WBP1L: variants seen among roughly 807,000 people sequenced by gnomAD.
WBP1L encodes the protein WW domain binding protein 1 like.
Under a neutral mutation model 33.7 loss-of-function variants are expected in WBP1L, and 17 were observed. The ratio of observed to expected loss-of-function variants is 0.50; its 90% CI spans 0.34 to 0.76. The LOEUF (loss-of-function observed/expected upper bound fraction) is 0.76, where lower values mean the gene tolerates loss of function less well. Among genes scored for constraint, WBP1L ranks in the 30% least tolerant of loss-of-function variants. The pLI, the probability that WBP1L is intolerant of heterozygous loss-of-function variation, is 0.01. For synonymous variants in WBP1L, 173 were observed against 190.8 expected (o/e 0.91, Z 0.77); for missense variants, 389 against 469.4 (o/e 0.83, Z 1.58).
At chr10:102,770,301 G>A (rs897765894) in intron 1 of WBP1L, among the ~76,000 whole-genome samples, 8 of 151,546 alleles carry the variant, frequency 5.3e-5, no homozygotes, top group African/African-American at 1.7e-4. Context: ...TGCCCAAACC[G>A]GAGAAAGATA....
chr10:102,764,967 C>T (rs773653204), intron 1 of WBP1L, among the ~76,000 whole-genome samples: 6 of 152,116 alleles, frequency 3.9e-5, no homozygotes, highest in Non-Finnish European at 8.8e-5. Flanking sequence ...AATCCAAAAA[C>T]GATTGCTAGG....
intron 1 of WBP1L, among the ~76,000 whole-genome samples, chr10:102,779,016 G>A (rs1843301914): frequency 6.6e-6 from 1 of 152,040 alleles, no homozygotes; most frequent in Non-Finnish European, 1.5e-5. Context: ...TTTTGTTGCT[G>A]TTTTTTAACT....
chr10:102,791,012 T>C (rs1843489487), intron 1 of WBP1L, among the ~76,000 whole-genome samples: 1 of 152,214 alleles, frequency 6.6e-6, no homozygotes, highest in African/African-American at 2.4e-5. Context: ...TTAGAGGAGA[T>C]ACTGTTTTCC....
chr10:102,798,184 G>T, intron 2 of WBP1L, 89 bp downstream of exon 2: 1 of 1,114,164 alleles, frequency 9.0e-7, no homozygotes, highest in South Asian at 1.3e-5. Flanking sequence ...AGCCCTTTTC[G>T]GATTCTCTTG....
rs968261250 is a variant in WBP1L, at chr10:102,813,527, A to G, written c.*196A>G. The G allele has an allele frequency of 2.3e-5, 16 of 709,748 alleles. No individual in the cohort carries two copies. Among genetic ancestry groups the G allele is most frequent in the Middle Eastern group, 4.0e-4 (1 of 2,498 alleles). 44.0% of individuals were successfully genotyped at this position (709,748 alleles called of 1,614,324 possible). On this transcript the variant is annotated 3_prime_UTR_variant, in exon 4 of 4. Transcript: ENST00000448841. ...GGGTGTGGATGCCTCTTCCTCCACA[A>G]GGGCACAGTGTTGTGGAGGGCTAAG... is the stretch of plus-strand genomic sequence containing the variant.
intron 2 of WBP1L, among the ~76,000 whole-genome samples, chr10:102,803,697 C>T (rs1843690823): frequency 6.6e-6 from 1 of 151,646 alleles, no homozygotes; most frequent in African/African-American, 2.4e-5. Context: ...CAAGCTCCGC[C>T]TCCCAGGTTC....
At chr10:102,786,755 A>G (rs902095666) in intron 1 of WBP1L, among the ~76,000 whole-genome samples, 2 of 152,116 alleles carry the variant, frequency 1.3e-5, no homozygotes, top group African/African-American at 4.8e-5. Flanking sequence ...GTGGACCTCT[A>G]TTGTCCCCAC....
intron 1 of WBP1L, among the ~76,000 whole-genome samples, chr10:102,766,025 T>A (rs983886367): frequency 5.9e-5 from 9 of 152,214 alleles, no homozygotes; most frequent in African/African-American, 1.7e-4. Context: ...ACCTGGAAGC[T>A]TAATTTTCCT....
At chr10:102,776,483 C>G (rs1374825283) in intron 1 of WBP1L, 1 of 1,602,736 alleles carries the variant, frequency 6.2e-7, no homozygotes, top group Non-Finnish European at 8.5e-7. Context: ...TATTGTACTA[C>G]TGCTTTGGGT....
At chr10:102,809,814 G>T (rs1590194617) in intron 2 of WBP1L, 79 bp from the exon 3 acceptor site, 3 of 1,506,820 alleles carry the variant, frequency 2.0e-6, no homozygotes, top group East Asian at 4.6e-5. Context: ...CACCGTCCAG[G>T]GACCTCCCTG....
At chr10:102,794,737 ACT>A (rs557700557) in intron 1 of WBP1L, among the ~76,000 whole-genome samples, 290 of 152,092 alleles carry the variant, frequency 1.9e-3, no homozygotes, top group African/African-American at 6.2e-3. Context: ...CAACAGTTAG[ACT>A]CTGAGTGAAA....
At chr10:102,788,440 G>A (rs1229736058) in intron 1 of WBP1L, among the ~76,000 whole-genome samples, 1 of 151,864 alleles carries the variant, frequency 6.6e-6, no homozygotes, top group Non-Finnish European at 1.5e-5. Flanking sequence ...AAAAATATAG[G>A]TAAAAATATA....
In WBP1L at chr10:102,782,816, A is replaced by G. The variant is rs543474645; in HGVS notation, c.91-15177A>G. On this transcript the variant is annotated intron_variant, in intron 1 of 3. Coordinates refer to ENST00000448841, the MANE Select transcript of WBP1L (RefSeq NM_001083913.2). ...TTTGGGAATGGCTGGAGTGTGACATACTGACTTCTTTTCCTGAAAGTGGCT... is the reference window on the plus strand; with the variant it reads ...TTTGGGAATGGCTGGAGTGTGACATGCTGACTTCTTTTCCTGAAAGTGGCT... Among the ~76,000 whole-genome samples the G allele has an allele frequency of 2.1e-3, 315 of 152,290 alleles. 3 individuals are homozygous for G. The highest frequency in any genetic ancestry group is 1.7e-3 in the Non-Finnish European group (113 of 68,014).
intron 1 of WBP1L, among the ~76,000 whole-genome samples, chr10:102,788,135 CTT>C (rs1232492409): frequency 7.5e-5 from 10 of 133,224 alleles, no homozygotes; most frequent in Admixed American, 8.0e-5. Context: ...TTCTTTCTTT[CTT>C]TTTTTTTTTT....
At position 102,743,991 on chromosome 10, in the gene WBP1L, A is replaced by G; in HGVS notation, c.-63A>G. On this transcript the variant is annotated 5_prime_UTR_variant, in exon 1 of 4. Coordinates refer to ENST00000448841, the MANE Select transcript of WBP1L (RefSeq NM_001083913.2). The stretch of plus-strand genomic sequence containing the variant: ...GGAAGAAGGAAGAAGAGGGTAGAGG[A>G]GGAGAGGGAGGAGGAGGAGGGAGGT... The G allele has an allele frequency of 8.4e-7, 1 of 1,186,466 alleles. No individual in the cohort carries two copies. Among genetic ancestry groups the G allele is most frequent in the East Asian group, 2.6e-5 (1 of 38,482 alleles). The allele number at this position is 1,186,466 out of a possible 1,614,324, so 73.5% of individuals were successfully genotyped here.
chr10:102,795,895 G>T (rs1186155510), intron 1 of WBP1L, among the ~76,000 whole-genome samples: 11 of 152,174 alleles, frequency 7.2e-5, no homozygotes, highest in Admixed American at 7.2e-4. Context: ...TTTTCCACAC[G>T]CACCAGGCTT....
At chr10:102,772,976 C>T (rs942864367) in intron 1 of WBP1L, among the ~76,000 whole-genome samples, 14 of 146,646 alleles carry the variant, frequency 9.5e-5, no homozygotes, top group Non-Finnish European at 2.1e-4. Context: ...TTTAATTCTG[C>T]ATTGGCAGGC....
rs1843793560 is a variant in WBP1L, at chr10:102,809,418, C to G, written c.194-475C>G. On this transcript the variant is annotated intron_variant, in intron 2 of 3. Transcript: ENST00000448841. ...ACAGAGTCTTGCTCTGTCGCCCAGG[C>G]TGGAGTGCAGTGGCGCAATCTTGGC... Among the ~76,000 whole-genome samples the G allele has an allele frequency of 1.3e-5, 2 of 152,054 alleles. 1 individual carries two copies. Among genetic ancestry groups the G allele is most frequent in the South Asian group, 4.2e-4 (2 of 4,818 alleles).
rs781701076 is a variant in WBP1L at position 102,813,102 on chromosome 10, A to G, written c.863A>G (p.Lys288Arg). 2.5e-6 allele frequency: 4 copies of G among 1,613,846 alleles called. No homozygotes were observed. The South Asian group carries it at 4.4e-5, about 18-fold the overall frequency. ...CNRGHHDDDL[K>R]EFNTLIDDAL... is the part of the protein sequence containing the mutation. ...CGGGGCCACCATGACGATGACCTCA[A>G]AGAGTTCAACACACTCATCGATGAT... The change falls in exon 4 of 4, where the codon AAA becomes AGA. Residue 288 changes from lysine to arginine, a missense_variant. Lys to Arg is a conservative substitution (Grantham distance 26, BLOSUM62 2). Transcript: ENST00000448841.
Sources: gnomAD v4.1 joint callset for allele counts (sites outside exome capture counted in the v4.1 genomes callset) on GRCh38, gnomAD v4.1.1 for gene constraint, MANE v1.5 for transcripts, NCBI Gene and HGNC (gene_info 2026-07-23, HGNC 2026-07-21) for gene names.